Variants in NTRK3 observed in about 807,000 individuals in gnomAD.
NTRK3 encodes neurotrophic receptor tyrosine kinase 3.
Under a neutral mutation model 91.7 loss-of-function variants are expected in NTRK3, and 24 were observed. The observed-to-expected ratio is 0.26, with a 90% CI of 0.19 to 0.37. NTRK3 has a LOEUF of 0.37. Among genes scored for constraint, NTRK3 ranks in the 10% least tolerant of loss-of-function variants. NTRK3 has a pLI of 1.00. For missense variants in NTRK3, 880 were observed against 1,068.9 expected (o/e 0.82, Z 2.46); for synonymous variants, 483 against 404.0 (o/e 1.20, Z -2.34).
intron 13 of NTRK3, among the ~76,000 whole-genome samples, chr15:88,099,896 A>G (rs1344202804): frequency 6.6e-6 from 1 of 152,152 alleles, no homozygotes; most frequent in Non-Finnish European, 1.5e-5. Context: ...TCTACTGAAA[A>G]GGCTTCAGGA....
chr15:88,052,592 C>T (rs971829660), intron 13 of NTRK3, among the ~76,000 whole-genome samples: 2 of 152,178 alleles, frequency 1.3e-5, no homozygotes, highest in African/African-American at 4.8e-5. Context: ...TTGTATGATA[C>T]TTTAAAGTTA....
chr15:87,940,517 G>C, intron 15 of NTRK3, 106 bp downstream of exon 15: 4 of 1,563,626 alleles, frequency 2.6e-6, no homozygotes, highest in Non-Finnish European at 2.6e-6. Flanking sequence ...TTGCATCTGA[G>C]AAAGCCAATT....
chr15:87,976,664 T>C (rs1252102711), intron 14 of NTRK3, among the ~76,000 whole-genome samples: 1 of 152,190 alleles, frequency 6.6e-6, no homozygotes, highest in Non-Finnish European at 1.5e-5. Context: ...GATGTGCCAG[T>C]TCATCTAAGC....
At chr15:88,245,214 T>C (rs2052705417) in intron 3 of NTRK3, among the ~76,000 whole-genome samples, 1 of 152,184 alleles carries the variant, frequency 6.6e-6, no homozygotes, top group Non-Finnish European at 1.5e-5. Flanking sequence ...GACCTGGAAA[T>C]GTCACTGCCC....
chr15:88,027,896 G>A (rs1476035072), intron 14 of NTRK3, among the ~76,000 whole-genome samples: 1 of 152,168 alleles, frequency 6.6e-6, no homozygotes, highest in African/African-American at 2.4e-5. Flanking sequence ...CAAGACTGGG[G>A]CATGGCACTG....
At chr15:88,058,311 G>A (rs888881165) in intron 13 of NTRK3, among the ~76,000 whole-genome samples, 18 of 152,134 alleles carry the variant, frequency 1.2e-4, no homozygotes, top group Admixed American at 6.5e-5. Flanking sequence ...GTTACTTAAC[G>A]TCTCTCAGTT....
At chr15:88,061,426 C>T (rs2046204286) in intron 13 of NTRK3, among the ~76,000 whole-genome samples, 1 of 152,236 alleles carries the variant, frequency 6.6e-6, no homozygotes, top group Non-Finnish European at 1.5e-5. Context: ...GTGCTGCCCT[C>T]CACAAGGTGT....
At chr15:87,905,954 G>A (rs1329262987) in intron 17 of NTRK3, among the ~76,000 whole-genome samples, 4 of 152,166 alleles carry the variant, frequency 2.6e-5, no homozygotes, top group African/African-American at 9.7e-5. Flanking sequence ...TGCGCAATCA[G>A]CAAAGACATG....
chr15:88,083,514 G>A (rs147019816), intron 13 of NTRK3, among the ~76,000 whole-genome samples: 1 of 152,118 alleles, frequency 6.6e-6, no homozygotes, highest in African/African-American at 2.4e-5. Flanking sequence ...GAGCCACCGC[G>A]CCCGGCCAGG....
chr15:88,061,216 A>T (rs758716813), intron 13 of NTRK3, among the ~76,000 whole-genome samples: 3 of 152,248 alleles, frequency 2.0e-5, no homozygotes, highest in Non-Finnish European at 2.9e-5. Flanking sequence ...GATGCTTTTA[A>T]TAAAGGTAAA....
intron 3 of NTRK3, among the ~76,000 whole-genome samples, chr15:88,191,234 C>T (rs1000779891): frequency 3.4e-5 from 5 of 148,730 alleles, no homozygotes; most frequent in African/African-American, 1.3e-4. Flanking sequence ...TCACTGTCAC[C>T]CAGGCTGGAG....
intron 17 of NTRK3, among the ~76,000 whole-genome samples, chr15:87,892,790 C>T (rs2065915133): frequency 6.6e-6 from 1 of 152,074 alleles, no homozygotes; most frequent in South Asian, 2.1e-4. Flanking sequence ...AAAAGGATTT[C>T]ATGCATAAAA....
intron 13 of NTRK3, among the ~76,000 whole-genome samples, chr15:88,070,107 T>C (rs184649189): frequency 1.7e-3 from 259 of 152,258 alleles, no homozygotes; most frequent in African/African-American, 5.8e-3. Flanking sequence ...GGGTTATCAA[T>C]AGAGAAATAT....
rs894930248 is a variant in NTRK3, at chr15:87,883,312, G to A, written c.2134-2884C>T. ...TAAAGCTGGTAAAATTCACCATTAC[G>A]ATGATGAAGTTTATGCTCCAATTAA... is the stretch of plus-strand genomic sequence containing the variant. On this transcript the variant is annotated intron_variant, in intron 17 of 18. Coordinates refer to ENST00000394480, the Ensembl canonical transcript of NTRK3. 4.7e-5 allele frequency among the ~76,000 whole-genome samples: 7 copies of A among 148,022 alleles called. No homozygotes were observed. In the South Asian group the frequency reaches 8.5e-4, roughly 18 times the overall value.
intron 13 of NTRK3, among the ~76,000 whole-genome samples, chr15:88,041,713 G>A (rs907868001): frequency 2.6e-5 from 4 of 151,992 alleles, no homozygotes; most frequent in Non-Finnish European, 5.9e-5. Context: ...TGTGATTGGT[G>A]GGGGTGCTGT....
intron 3 of NTRK3, among the ~76,000 whole-genome samples, chr15:88,230,039 G>A (rs750597422): frequency 1.1e-4 from 17 of 152,232 alleles, no homozygotes; most frequent in Non-Finnish European, 1.9e-4. Context: ...GTGTGAGCGT[G>A]TGCTCTGGAC....
chr15:88,249,846 A>G (rs11852905), intron 3 of NTRK3, among the ~76,000 whole-genome samples: 25,713 of 152,098 alleles, frequency 0.17, 2,911 homozygotes, highest in African/African-American at 0.32. Context: ...CACTCAGTTC[A>G]TCACCAGCAT....
At position 88,033,179 on chromosome 15, in the gene NTRK3, TATATATATA is replaced by T. The variant is rs2078729991; in HGVS notation, c.1397-143_1397-135del. On this transcript the variant is annotated intron_variant, in intron 13 of 18. Transcript: ENST00000394480. ...TTTTTTACTTTTGGGGGGTGTGTTA[TATATATATA>T]TATATATATATATATATATATATAT... 1.7e-3 allele frequency: 71 copies of T among 42,472 alleles called. 5 individuals are homozygous for T. The highest frequency in any genetic ancestry group is 6.1e-3 in the African/African-American group (67 of 11,052). 2.6% of individuals were successfully genotyped at this position (42,472 alleles called of 1,614,324 possible).
chr15:87,948,667 G>A (rs1046919079), intron 14 of NTRK3, among the ~76,000 whole-genome samples: 15 of 152,152 alleles, frequency 9.9e-5, no homozygotes, highest in African/African-American at 2.4e-4. Context: ...CAGCCTGGGC[G>A]ACAGAGCAAG....
Sources: gnomAD v4.1 joint callset for allele counts (sites outside exome capture counted in the v4.1 genomes callset) on GRCh38, gnomAD v4.1.1 for gene constraint, MANE v1.5 for transcripts, NCBI Gene and HGNC (gene_info 2026-07-23, HGNC 2026-07-21) for gene names.